UBAP1L: variants seen among roughly 807,000 people sequenced by gnomAD.
UBAP1L encodes the protein ubiquitin associated protein 1 like, also known as ubiquitin-associated protein 1-like.
A neutral mutation model predicts 32.1 loss-of-function variants in UBAP1L; 32 were observed. The observed-to-expected ratio is 1.00, with a 90% confidence interval of 0.75 to 1.34. The LOEUF is 1.34. UBAP1L is among the 40% of genes most tolerant of loss of function. UBAP1L has a pLI of 0.00. For synonymous variants in UBAP1L, 243 were observed against 250.2 expected (o/e 0.97, Z 0.27); for missense variants, 516 against 540.5 (o/e 0.95, Z 0.45).
chr15:65,093,092 C>A lies in UBAP1L; in HGVS notation c.*5G>T, dbSNP rs763479587. On this transcript the variant is annotated 3_prime_UTR_variant, in exon 6 of 6. Transcript: ENST00000559089. ...ATGCCCAGGCATCGTGGAGTGCCTC[C>A]GTGGTCACTGGGCACAGGCCACCAG... 2 of 1,546,008 alleles carry A rather than the reference C, an allele frequency of 1.3e-6. No individual in the cohort carries two copies. Among genetic ancestry groups the A allele is most frequent in the Admixed American group, 2.0e-5 (1 of 49,678 alleles).
At position 65,110,275 on chromosome 15, in the gene UBAP1L, C is replaced by T. The variant is rs1306650299; in HGVS notation, c.-173-3887G>A. ...TCAGGAAGCTGAGGCAGGAGAATCG[C>T]TTGAACCAGGGAGGCGGAGATTGCA... On this transcript the variant is annotated intron_variant, in intron 1 of 5. Transcript: ENST00000559089. Among the ~76,000 whole-genome samples, 3 of 151,992 alleles carry T rather than the reference C, an allele frequency of 2.0e-5. No individual in the cohort carries two copies. In the East Asian group the frequency reaches 5.8e-4, roughly 29 times the overall value.
chr15:65,105,931 C>T (rs1312546416), intron 2 of UBAP1L, 165 bp downstream of exon 2: 3 of 941,024 alleles, frequency 3.2e-6, no homozygotes, highest in South Asian at 1.5e-5. Context: ...GCTGGGATTA[C>T]AGGCACGCGT....
intron 5 of UBAP1L, 148 bp from the exon 6 acceptor site, chr15:65,093,379 T>G: frequency 1.1e-6 from 1 of 948,872 alleles, no homozygotes. Context: ...GGGCCACACC[T>G]GCCACTTTTC....
At chr15:65,108,014 G>C (rs1333888823) in intron 1 of UBAP1L, among the ~76,000 whole-genome samples, 1 of 151,614 alleles carries the variant, frequency 6.6e-6, no homozygotes, top group Non-Finnish European at 1.5e-5. Flanking sequence ...AAAATTAAAT[G>C]AAATGCAAAG....
rs1262588372 is a variant in UBAP1L, at chr15:65,102,817, G to A, written c.121-133C>T. The A allele has an allele frequency of 1.2e-6, 1 of 824,062 alleles. No homozygotes were observed. The allele number at this position is 824,062 out of a possible 1,614,324, so 51.0% of individuals were successfully genotyped here. ...GACAGCGTCAGATTCTGAGCCCCGG[G>A]CTTCCATCACAGCCCACTCTACCCT... On this transcript the variant is annotated intron_variant, in intron 2 of 5. Transcript: ENST00000559089. The surrounding 1 kb of genome is among the most constrained non-coding windows in gnomAD (Gnocchi z 5.0).
Position 65,102,626 on chromosome 15 carries a change from G to T in UBAP1L, c.179C>A (p.Pro60His). 2 of 1,549,538 alleles carry T rather than the reference G, an allele frequency of 1.3e-6. No homozygotes were observed. The highest frequency in any genetic ancestry group is 1.7e-6 in the Non-Finnish European group (2 of 1,146,836). ...LFWVEAAGQG[P>H]SPYQCGDPGT... is the part of the protein sequence containing the mutation. ...CGGGTCACCGCACTGGTACGGGCTG[G>T]GTCCCTGGCCGGCGGCCTCCACCCA... is the stretch of plus-strand genomic sequence containing the variant. Residue 60 changes from proline (P) to histidine (H), a missense_variant, in exon 3 of 6, where the codon CCC (proline) becomes CAC (histidine). Transcript: ENST00000559089. This position sits in a 1 kb window ranked among gnomAD's most constrained non-coding sequence, Gnocchi z 5.0.
rs2087132825 is a variant in UBAP1L at position 65,092,828 on chromosome 15, TAA to T, written c.*267_*268del. ...ATCAAGGTTACTAATGCACACAGTGTAAAGAGTCAAATCAGGTGGTTTCACAG... is the reference window on the plus strand; with the variant it reads ...ATCAAGGTTACTAATGCACACAGTGTAGAGTCAAATCAGGTGGTTTCACAG... On this transcript the variant is annotated 3_prime_UTR_variant, in exon 6 of 6. Transcript: ENST00000559089. The T allele has an allele frequency of 2.0e-6, 1 of 497,664 alleles. No homozygotes were observed. Among genetic ancestry groups the T allele is most frequent in the East Asian group, 3.7e-5 (1 of 26,872 alleles). 30.8% of individuals were successfully genotyped at this position (497,664 alleles called of 1,614,324 possible).
chr15:65,092,838 A>T lies in UBAP1L; in HGVS notation c.*259T>A, dbSNP rs1262398010. On this transcript the variant is annotated 3_prime_UTR_variant, in exon 6 of 6. Transcript: ENST00000559089. The stretch of plus-strand genomic sequence containing the variant: ...CTAATGCACACAGTGTAAAGAGTCA[A>T]ATCAGGTGGTTTCACAGGCATGCAT... 3.9e-6 allele frequency: 2 copies of T among 514,534 alleles called. No individual in the cohort carries two copies. The highest frequency in any genetic ancestry group is 3.9e-5 in the African/African-American group (2 of 50,992). 31.9% of individuals were successfully genotyped at this position (514,534 alleles called of 1,614,324 possible).
rs2087394403 is a variant in UBAP1L at position 65,115,147 on chromosome 15, T to C, written c.-174+3A>G. On this transcript the variant is annotated splice_donor_region_variant and intron_variant, in intron 1 of 5. Coordinates refer to ENST00000559089, the MANE Select transcript of UBAP1L (RefSeq NM_001163692.2). ...AATGGAATAAGATATACTTTGTACTTACCTTGTAATTACCAGGAGAACTTC... is the reference window on the plus strand; with the variant it reads ...AATGGAATAAGATATACTTTGTACTCACCTTGTAATTACCAGGAGAACTTC... 6.6e-6 allele frequency: 1 copy of C among 152,232 alleles called. No individual in the cohort carries two copies. The highest frequency in any genetic ancestry group is 1.5e-5 in the Non-Finnish European group (1 of 68,034). 9.4% of individuals were successfully genotyped at this position (152,232 alleles called of 1,614,324 possible). A position where few individuals can be genotyped will look rare whatever the true frequency, so the allele number is the denominator to read the frequency against.
In UBAP1L at chr15:65,099,517, C is replaced by G. The variant is rs1595919660; in HGVS notation, c.897G>C (p.Gln299His). 1.3e-6 allele frequency: 2 copies of G among 1,550,350 alleles called. No individual in the cohort carries two copies. Among genetic ancestry groups the G allele is most frequent in the Non-Finnish European group, 1.7e-6 (2 of 1,146,806 alleles). Reference protein sequence around the residue: ...AIIALQKTGRQSLSQFLSYLS... With the variant: ...AIIALQKTGRHSLSQFLSYLS... Reference sequence around the variant, plus strand: ...TCCCCCAACTCACCTGGCTCAGGCTCTGCCTCCCTGTCTTCTGCAGAGCTA... The same window carrying G: ...TCCCCCAACTCACCTGGCTCAGGCTGTGCCTCCCTGTCTTCTGCAGAGCTA... Residue 299 changes from glutamine to histidine, a missense_variant, in exon 4 of 6, where the codon CAG becomes CAC. Coordinates refer to ENST00000559089, the MANE Select transcript of UBAP1L (RefSeq NM_001163692.2).
rs2087245922 is a variant in UBAP1L at position 65,102,110 on chromosome 15, ACCGTAG to A, written c.689_694del (p.Pro230_Val232delinsLeu). 1 of 1,197,314 alleles carries A rather than the reference ACCGTAG, an allele frequency of 8.4e-7. No individual in the cohort carries two copies. The highest frequency in any genetic ancestry group is 1.6e-5 in the African/African-American group (1 of 62,770). 74.2% of individuals were successfully genotyped at this position (1,197,314 alleles called of 1,614,324 possible). A position where few individuals can be genotyped will look rare whatever the true frequency, so the allele number is the denominator to read the frequency against. ...AGGGGCGGGCAGAATCCTTACCGCGACCGTAGGCTTGTGGCTCCGCAGCGGGGGGAT... is the reference window on the plus strand; with the variant it reads ...AGGGGCGGGCAGAATCCTTACCGCGAGCTTGTGGCTCCGCAGCGGGGGGAT... On this transcript the variant is annotated inframe_deletion, in exon 3 of 6. Coordinates refer to ENST00000559089, the MANE Select transcript of UBAP1L (RefSeq NM_001163692.2). The surrounding 1 kb of genome is among the most constrained non-coding windows in gnomAD (Gnocchi z 5.0).
intron 2 of UBAP1L, chr15:65,105,652 A>T: frequency 1.5e-6 from 1 of 674,678 alleles, no homozygotes; most frequent in Non-Finnish European, 2.8e-6. Flanking sequence ...AAGGGTATGC[A>T]TATATGAAAA....
In UBAP1L at chr15:65,093,104, G is replaced by A. The variant is rs766855366; in HGVS notation, c.1139C>T (p.Ala380Val). The A allele has an allele frequency of 1.1e-5, 17 of 1,548,090 alleles. No homozygotes were observed. Among genetic ancestry groups the A allele is most frequent in the Non-Finnish European group, 1.4e-5 (16 of 1,146,336 alleles). Residue 380 changes from alanine (A) to valine (V), a missense_variant, in exon 6 of 6, where the codon GCC becomes GTC. Coordinates refer to ENST00000559089, the MANE Select transcript of UBAP1L (RefSeq NM_001163692.2). The part of the protein sequence containing the change: ...EQALEELVAC[A>V]Q ...CGTGGAGTGCCTCCGTGGTCACTGG[G>A]CACAGGCCACCAGCTCCTCCAGGGC...
At position 65,094,535 on chromosome 15, in the gene UBAP1L, C is replaced by G. The variant is rs1177138438; in HGVS notation, c.951G>C (p.Gln317His). Residue 317 changes from glutamine to histidine, a missense_variant, in exon 5 of 6, where the codon CAG (glutamine) becomes CAC (histidine). Physicochemically the swap from Gln to His is conservative, Grantham distance 24. Transcript: ENST00000559089. The surrounding 1 kb of genome is among the most constrained non-coding windows in gnomAD (Gnocchi z 4.2). ...YLSACDRLLRQGYEEGLVDEA... is the reference protein window; with the variant it reads ...YLSACDRLLRHGYEEGLVDEA... ...CATCCACCAGGCCTTCCTCATATCC[C>G]TGACGTAACAGGCGGTCACAGGCAC... 2 of 1,551,560 alleles carry G rather than the reference C, an allele frequency of 1.3e-6. No homozygotes were observed. The highest frequency in any genetic ancestry group is 3.9e-5 in the Admixed American group (2 of 51,000).
At chr15:65,105,018 A>T (rs760706407) in intron 2 of UBAP1L, 5 of 239,948 alleles carry the variant, frequency 2.1e-5, no homozygotes, top group Non-Finnish European at 4.3e-5. Flanking sequence ...ATGAAAAAAA[A>T]AAAAAAAAAA....
Position 65,092,926 on chromosome 15 carries a change from T to C in UBAP1L, c.*171A>G. The C allele has an allele frequency of 1.0e-6, 1 of 972,772 alleles. No individual in the cohort carries two copies. The allele number at this position is 972,772 out of a possible 1,614,324, so 60.3% of individuals were successfully genotyped here. On this transcript the variant is annotated 3_prime_UTR_variant, in exon 6 of 6. Transcript: ENST00000559089. ...CCTCTGCAGAGGCAACTATTTCAAC[T>C]CTTTCAGCAGATTCTGCTGCTGTTA...
rs139366289 is a variant in UBAP1L, at chr15:65,114,109, C to T, written c.-174+1041G>A. Among the ~76,000 whole-genome samples the T allele has an allele frequency of 5.7e-3, 872 of 152,008 alleles. 5 individuals carry two copies. The highest frequency in any genetic ancestry group is 0.014 in the Middle Eastern group (4 of 294). ...CCATCTTGGCCAGGCTGGTCTTGAA[C>T]TCGTGACCTTGTGATCCACCTGCCT... On this transcript the variant is annotated intron_variant, in intron 1 of 5. Coordinates refer to ENST00000559089, the MANE Select transcript of UBAP1L (RefSeq NM_001163692.2).
chr15:65,105,447 C>A, intron 2 of UBAP1L: 1 of 362,240 alleles, frequency 2.8e-6, no homozygotes, highest in Non-Finnish European at 5.2e-6. Flanking sequence ...CCACTGCACT[C>A]CATCTAGTCT....
intron 1 of UBAP1L, among the ~76,000 whole-genome samples, chr15:65,110,388 A>ACAAACAAAG (rs1238306470): frequency 6.7e-6 from 1 of 149,844 alleles, no homozygotes; most frequent in African/African-American, 2.5e-5. Flanking sequence ...AACAAACAAA[A>ACAAACAAAG]AAAACTTGGC....
Sources: allele counts gnomAD v4.1 joint callset (sites outside exome capture counted in the v4.1 genomes callset), GRCh38; gene constraint gnomAD v4.1.1; non-coding constraint Gnocchi (gnomAD v3.1); transcripts MANE v1.5; gene names NCBI Gene and HGNC (gene_info 2026-07-23, HGNC 2026-07-21).